Variants in TBL1Y observed in about 807,000 individuals in gnomAD.
The protein encoded by TBL1Y is F-box-like/WD repeat-containing protein TBL1Y.
A neutral mutation model predicts 12.0 loss-of-function variants in TBL1Y; 15 were observed. The observed-to-expected ratio is 1.25, with a 90% confidence interval of 0.83 to 1.92. The LOEUF (loss-of-function observed/expected upper bound fraction) is 1.92. TBL1Y is among the 40% of genes most tolerant of loss of function. The pLI is 0.00. For missense variants in TBL1Y, 148 were observed against 116.7 expected (o/e 1.27, Z -1.24); for synonymous variants, 53 against 42.6 (o/e 1.24, Z -0.95).
chrY:7,021,805 T>A, intron 5 of TBL1Y, among the ~76,000 whole-genome samples: 7 of 32,780 alleles, frequency 2.1e-4, no homozygotes, highest in Admixed American at 2.0e-3. Flanking sequence ...AACAAACTTT[T>A]CTGGGTCTTA....
At chrY:7,001,161 G>T (rs769797190) in intron 4 of TBL1Y, among the ~76,000 whole-genome samples, 1 of 32,247 alleles carries the variant, frequency 3.1e-5, no homozygotes, top group Non-Finnish European at 7.5e-5. Flanking sequence ...GCAGCCCAGC[G>T]TGTCAGTAGC....
At chrY:6,911,627 C>T (rs764970190) in intron 1 of TBL1Y, among the ~76,000 whole-genome samples, 3 of 34,968 alleles carry the variant, frequency 8.6e-5, no homozygotes, top group East Asian at 7.9e-4. Flanking sequence ...CCCGCGCCCC[C>T]GGTCTGTTTG....
intron 2 of TBL1Y, among the ~76,000 whole-genome samples, chrY:6,947,249 G>C: frequency 3.0e-5 from 1 of 33,286 alleles, no homozygotes; most frequent in African/African-American, 1.2e-4. Context: ...TTCATGTCCT[G>C]TGAAGAGAAC....
chrY:7,021,750 G>A (rs2012583617), intron 5 of TBL1Y, among the ~76,000 whole-genome samples: 1 of 33,439 alleles, frequency 3.0e-5, no homozygotes, highest in Admixed American at 2.8e-4. Context: ...TGAGGAATTC[G>A]CCTTTTTACT....
At chrY:7,088,654 CA>C (rs1235725764) in intron 17 of TBL1Y, among the ~76,000 whole-genome samples, 2 of 30,963 alleles carry the variant, frequency 6.5e-5, no homozygotes, top group Non-Finnish European at 1.6e-4. Context: ...TGTCAATCAT[CA>C]AAAAAAAATG....
chrY:7,063,842 T>C (rs2012925900), intron 7 of TBL1Y, 55 bp from the exon 8 acceptor site: 1 of 390,970 alleles, frequency 2.6e-6, no homozygotes, highest in Non-Finnish European at 3.6e-6. Context: ...TAGAGACCAT[T>C]CCCAGAGCCC....
chrY:7,015,383 A>G, intron 4 of TBL1Y, among the ~76,000 whole-genome samples: 4 of 33,178 alleles, frequency 1.2e-4, no homozygotes, highest in Non-Finnish European at 3.0e-4. Context: ...GCTTCCCACT[A>G]CCCGGAGCTG....
intron 2 of TBL1Y, among the ~76,000 whole-genome samples, chrY:6,918,361 G>A (rs994927613): frequency 6.1e-5 from 2 of 32,860 alleles, no homozygotes; most frequent in Non-Finnish European, 1.5e-4. Context: ...TCCCAGGCTT[G>A]TTATATTAAA....
chrY:7,009,763 C>T (rs2012505591), intron 4 of TBL1Y, among the ~76,000 whole-genome samples: 2 of 33,141 alleles, frequency 6.0e-5, no homozygotes, highest in African/African-American at 2.4e-4. Context: ...TGGCTGGGCA[C>T]GGTAGCTCAT....
intron 4 of TBL1Y, among the ~76,000 whole-genome samples, chrY:6,998,994 C>T (rs2012427983): frequency 3.0e-5 from 1 of 33,748 alleles, no homozygotes; most frequent in African/African-American, 1.2e-4. Flanking sequence ...TCTTGGCTCT[C>T]ACAGCACTAA....
intron 4 of TBL1Y, among the ~76,000 whole-genome samples, chrY:6,997,248 TC>T (rs2012417121): frequency 3.1e-5 from 1 of 32,757 alleles, no homozygotes; most frequent in Non-Finnish European, 7.5e-5. Context: ...AAAGCATATT[TC>T]TACTAAAAAT....
chrY:7,012,189 G>A, intron 4 of TBL1Y, among the ~76,000 whole-genome samples: 3 of 33,939 alleles, frequency 8.8e-5, no homozygotes, highest in Non-Finnish European at 1.5e-4. Context: ...GCTCATATGC[G>A]TGAGCAAAAA....
At chrY:6,962,258 G>A in intron 2 of TBL1Y, among the ~76,000 whole-genome samples, 2 of 33,710 alleles carry the variant, frequency 5.9e-5, no homozygotes, top group Non-Finnish European at 7.3e-5. Context: ...GAGTCAGGGC[G>A]TGAAGTTCTT....
chrY:6,919,030 G>A, intron 2 of TBL1Y: 5 of 30,580 alleles, frequency 1.6e-4, no homozygotes, highest in African/African-American at 3.9e-4. Context: ...GACTACAGGC[G>A]GGCACCACCA....
intron 7 of TBL1Y, among the ~76,000 whole-genome samples, chrY:7,047,128 A>C: frequency 3.0e-5 from 1 of 33,678 alleles, no homozygotes; most frequent in Admixed American, 2.7e-4. Context: ...ACAACAGTGT[A>C]AAAGTGTTCT....
rs1346121360 is a variant in TBL1Y at position 7,071,737 on chromosome Y, C to A, written c.801C>A (p.Asn267Lys). ...GFARIWTENG[N>K]LASTLGQHKG... ...CATGTTTGTTTTTACTAACAGGTAA[C>A]CTGGCCAGCACCTTAGGCCAACATA... Residue 267 changes from asparagine to lysine, a missense_variant, in exon 12 of 19, where the codon AAC becomes AAA. By Grantham distance (94) the Asn-to-Lys change is moderately conservative (BLOSUM62 0). Transcript: ENST00000383032. The A allele has an allele frequency of 2.5e-6, 1 of 397,202 alleles. No individual in the cohort carries two copies. Among genetic ancestry groups the A allele is most frequent in the South Asian group, 3.0e-5 (1 of 33,339 alleles).
chrY:6,922,523 G>A (rs993030616), intron 2 of TBL1Y, among the ~76,000 whole-genome samples: 2 of 33,501 alleles, frequency 6.0e-5, no homozygotes, highest in African/African-American at 2.3e-4. Context: ...TGTTTGGTGC[G>A]TTTACAGTCC....
chrY:7,031,626 T>C, intron 6 of TBL1Y, among the ~76,000 whole-genome samples: 1 of 33,173 alleles, frequency 3.0e-5, no homozygotes, highest in Non-Finnish European at 7.4e-5. Flanking sequence ...CCTCACACTT[T>C]AGGGGAGTAG....
intron 7 of TBL1Y, among the ~76,000 whole-genome samples, chrY:7,054,621 G>A (rs2012816710): frequency 5.9e-5 from 2 of 33,988 alleles, no homozygotes; most frequent in African/African-American, 1.1e-4. Flanking sequence ...CAGACCTACC[G>A]CTGACTTCCA....
Sources: gnomAD v4.1 joint callset for allele counts (sites outside exome capture counted in the v4.1 genomes callset) on GRCh38, gnomAD v4.1.1 for gene constraint, MANE v1.5 for transcripts, NCBI Gene and HGNC (gene_info 2026-07-23, HGNC 2026-07-21) for gene names.